The following ABAT variants were observed in gnomAD, a reference collection of about 807,000 sequenced individuals.
ABAT encodes the protein 4-aminobutyrate aminotransferase.
A neutral mutation model predicts 64.6 loss-of-function variants in ABAT; 45 were observed. That is an observed-to-expected ratio of 0.70 (90% CI 0.55 to 0.89). The LOEUF (loss-of-function observed/expected upper bound fraction) is 0.89. ABAT is among the 40% of genes least tolerant of loss of function. The probability of loss-of-function intolerance (pLI) is 0.00; values close to 1 mark genes in which losing one functional copy is unlikely to be tolerated. For synonymous variants in ABAT, 297 were observed against 250.5 expected, an observed-to-expected ratio of 1.19 and a Z score of -1.75; for missense variants, 633 against 658.4, an observed-to-expected ratio of 0.96 and a Z score of 0.42.
At chr16:8,713,827 C>A (rs1406157402) in intron 1 of ABAT, 1 of 455,598 alleles carries the variant, frequency 2.2e-6, no homozygotes, top group South Asian at 1.6e-5. Context: ...TTTAAGCAAG[C>A]GAGCTGAGCT....
chr16:8,751,031 C>G (rs1487621102), intron 5 of ABAT, among the ~76,000 whole-genome samples: 1 of 150,980 alleles, frequency 6.6e-6, no homozygotes. Flanking sequence ...TCACTGCAAC[C>G]TCTGCCTCCC....
At chr16:8,682,853 C>A (rs1218109514) in intron 1 of ABAT, among the ~76,000 whole-genome samples, 1 of 152,058 alleles carries the variant, frequency 6.6e-6, no homozygotes, top group Non-Finnish European at 1.5e-5. Context: ...AATCTTGGGC[C>A]CCACCCAGAA....
intron 11 of ABAT, 150 bp downstream of exon 11, chr16:8,769,123 C>T (rs989126680): frequency 3.2e-5 from 35 of 1,105,528 alleles, no homozygotes; most frequent in Middle Eastern, 2.9e-4. Flanking sequence ...AGAGGCCTTG[C>T]GTCCCAAATG....
At chr16:8,772,511 C>A (rs550628013) in intron 11 of ABAT, among the ~76,000 whole-genome samples, 11 of 152,320 alleles carry the variant, frequency 7.2e-5, no homozygotes, top group African/African-American at 2.4e-4. Flanking sequence ...TGTGCCCATA[C>A]AACACATCAG....
intron 5 of ABAT, among the ~76,000 whole-genome samples, chr16:8,755,168 G>A (rs1213019064): frequency 6.6e-6 from 1 of 152,038 alleles, no homozygotes; most frequent in East Asian, 1.9e-4. Flanking sequence ...GAGGCATGGT[G>A]TCAAGTCCTG....
Position 8,683,847 on chromosome 16 carries a change from C to T in ABAT, c.-42+9136C>T, listed in dbSNP as rs368277220. Among the ~76,000 whole-genome samples the T allele has an allele frequency of 1.2e-4, 17 of 138,470 alleles. No homozygotes were observed. In the East Asian group the frequency reaches 2.5e-3, roughly 21 times the overall value. The allele number at this position is 138,470 out of a possible 152,430, so 90.8% of individuals were successfully genotyped here. Reference sequence around the variant, plus strand: ...TGATGGCTTATCTGGAGTGGACAGACGTAGCCATCTGGCATTCATTCGTCA... The same window carrying T: ...TGATGGCTTATCTGGAGTGGACAGATGTAGCCATCTGGCATTCATTCGTCA... On this transcript the variant is annotated intron_variant, in intron 1 of 15. Coordinates refer to ENST00000268251, the MANE Select transcript of ABAT (RefSeq NM_020686.6).
chr16:8,757,416 C>T, intron 5 of ABAT: 1 of 363,266 alleles, frequency 2.8e-6, no homozygotes, highest in Admixed American at 3.7e-5. Context: ...GATCCACCCG[C>T]CTTGGCCTCC....
chr16:8,680,441 G>C (rs897132388), intron 1 of ABAT, among the ~76,000 whole-genome samples: 2 of 151,940 alleles, frequency 1.3e-5, no homozygotes, highest in African/African-American at 4.8e-5. Flanking sequence ...TTTTTTTGGG[G>C]GGCAGGGGGA....
intron 1 of ABAT, among the ~76,000 whole-genome samples, chr16:8,686,009 G>A (rs1277030364): frequency 6.6e-6 from 1 of 152,162 alleles, no homozygotes; most frequent in Non-Finnish European, 1.5e-5. Context: ...CCAATCCCAG[G>A]GGCAGATTGC....
chr16:8,742,356 C>G (rs147667095), intron 2 of ABAT, among the ~76,000 whole-genome samples: 374 of 152,336 alleles, frequency 2.5e-3, no homozygotes, highest in Non-Finnish European at 4.4e-3. Context: ...TGTCAAGACA[C>G]TTTCTGGAGA....
At chr16:8,729,828 T>TTAAA (rs563045872) in intron 1 of ABAT, among the ~76,000 whole-genome samples, 4 of 128,456 alleles carry the variant, frequency 3.1e-5, no homozygotes, top group East Asian at 2.3e-4. Flanking sequence ...TTTTTTGTCT[T>TTAAA]AAAAAAAAAA....
At chr16:8,753,196 C>T (rs559528814) in intron 5 of ABAT, among the ~76,000 whole-genome samples, 1 of 151,272 alleles carries the variant, frequency 6.6e-6, no homozygotes, top group Non-Finnish European at 1.5e-5. Context: ...TGGGTTCAAG[C>T]GATTCTCCTG....
At position 8,781,502 on chromosome 16, in the gene ABAT, A is replaced by G. The variant is rs766843865; in HGVS notation, c.*72A>G. 2.4e-5 allele frequency: 35 copies of G among 1,449,528 alleles called. No homozygotes were observed. Among genetic ancestry groups the G allele is most frequent in the Non-Finnish European group, 3.2e-5 (34 of 1,073,246 alleles). The allele number at this position is 1,449,528 out of a possible 1,614,324, so 89.8% of individuals were successfully genotyped here. On this transcript the variant is annotated 3_prime_UTR_variant, in exon 16 of 16. Transcript: ENST00000268251. The surrounding 1 kb of genome is among the most constrained non-coding windows in gnomAD (Gnocchi z 4.5). The stretch of plus-strand genomic sequence containing the variant: ...TCAAATTGATTAGTTTGCCTAATTC[A>G]TGTTTTCACTTAAAAGTATCAGAGG...
intron 1 of ABAT, chr16:8,715,601 C>A (rs1412041819): frequency 7.0e-6 from 1 of 142,052 alleles, no homozygotes; most frequent in East Asian, 2.1e-4. Context: ...CCACTGCACT[C>A]CAGCCTAGGT....
intron 1 of ABAT, among the ~76,000 whole-genome samples, chr16:8,693,798 G>T (rs2057639647): frequency 6.6e-6 from 1 of 152,002 alleles, no homozygotes; most frequent in Non-Finnish European, 1.5e-5. Flanking sequence ...TGCTTGGAGG[G>T]TTTTATTTTG....
chr16:8,718,788 G>A (rs143645408), intron 1 of ABAT, among the ~76,000 whole-genome samples: 1 of 152,172 alleles, frequency 6.6e-6, no homozygotes, highest in Non-Finnish European at 1.5e-5. Context: ...GCATTCATTC[G>A]TAAAATCAGA....
At chr16:8,771,800 G>T (rs2060118329) in intron 11 of ABAT, among the ~76,000 whole-genome samples, 1 of 151,482 alleles carries the variant, frequency 6.6e-6, no homozygotes, top group Non-Finnish European at 1.5e-5. Flanking sequence ...GGATCTTGCT[G>T]TGTTGCACAG....
At chr16:8,770,938 C>CCTTTTCTTCGTATTCAGTTTTTGAAACA (rs1327782048) in intron 11 of ABAT, among the ~76,000 whole-genome samples, 6 of 152,130 alleles carry the variant, frequency 3.9e-5, no homozygotes, top group Non-Finnish European at 7.3e-5. Flanking sequence ...CTAAGATAGT[C>CCTTTTCTTCGTATTCAGTTTTTGAAACA]CTTTTCTTCG....
At chr16:8,740,644 C>T (rs548577436) in intron 2 of ABAT, among the ~76,000 whole-genome samples, 4 of 152,172 alleles carry the variant, frequency 2.6e-5, no homozygotes, top group Admixed American at 1.3e-4. Flanking sequence ...CCCTGTGAGG[C>T]CATTAAAGTG....
Sources: allele counts gnomAD v4.1 joint callset (sites outside exome capture counted in the v4.1 genomes callset), GRCh38; gene constraint gnomAD v4.1.1; non-coding constraint Gnocchi (gnomAD v3.1); transcripts MANE v1.5; gene names NCBI Gene and HGNC (gene_info 2026-07-23, HGNC 2026-07-21).